The following CGNL1 variants were observed in gnomAD, a reference collection of about 807,000 sequenced individuals.
The protein encoded by CGNL1 is cingulin-like protein 1.
CGNL1 carries 132 observed loss-of-function variants against 141.2 expected under a neutral mutation model. That is an observed-to-expected ratio of 0.93 (90% CI 0.81 to 1.08). The LOEUF (loss-of-function observed/expected upper bound fraction) is 1.08, where lower values mean the gene tolerates loss of function less well. Among genes scored for constraint, CGNL1 ranks in the 50% least tolerant of loss-of-function variants. CGNL1 has a pLI of 0.00. For synonymous variants in CGNL1, 690 were observed against 622.1 expected (o/e 1.11, Z -1.63); for missense variants, 1,870 against 1,588.6 (o/e 1.18, Z -3.01).
At chr15:57,520,370 T>G (rs141316577) in intron 10 of CGNL1, among the ~76,000 whole-genome samples, 14 of 152,352 alleles carry the variant, frequency 9.2e-5, no homozygotes, top group Non-Finnish European at 1.9e-4. Context: ...AAGAAAAAAG[T>G]AACTGGTGTT....
intron 14 of CGNL1, among the ~76,000 whole-genome samples, chr15:57,541,377 G>A (rs2032555592): frequency 6.6e-6 from 1 of 152,232 alleles, no homozygotes; most frequent in African/African-American, 2.4e-5. Flanking sequence ...CATGTGTGAG[G>A]TGTCAGTGGC....
At chr15:57,475,601 A>G (rs2063645198) in intron 8 of CGNL1, among the ~76,000 whole-genome samples, 1 of 152,032 alleles carries the variant, frequency 6.6e-6, no homozygotes, top group Non-Finnish European at 1.5e-5. Flanking sequence ...AATGAGCAAT[A>G]GATGGAGTGA....
intron 1 of CGNL1, among the ~76,000 whole-genome samples, 198 bp downstream of exon 1, chr15:57,376,765 C>T (rs1368475606): frequency 1.3e-5 from 2 of 151,930 alleles, no homozygotes; most frequent in Non-Finnish European, 2.9e-5. Flanking sequence ...GACTCCCGCG[C>T]CGCGCCCCGC....
intron 1 of CGNL1, among the ~76,000 whole-genome samples, chr15:57,406,262 T>A (rs11071312): frequency 1.3e-5 from 2 of 151,888 alleles, no homozygotes; most frequent in Non-Finnish European, 2.9e-5. Context: ...GGAAGGGCAC[T>A]GTGAAGAGGG....
intron 3 of CGNL1, among the ~76,000 whole-genome samples, chr15:57,441,693 A>T (rs1293757452): frequency 6.6e-6 from 1 of 152,120 alleles, no homozygotes; most frequent in African/African-American, 2.4e-5. Context: ...TCTTTTATGT[A>T]TGTATTTTTT....
chr15:57,526,259 A>G (rs1292193443), intron 12 of CGNL1, among the ~76,000 whole-genome samples: 1 of 152,060 alleles, frequency 6.6e-6, no homozygotes, highest in Non-Finnish European at 1.5e-5. Flanking sequence ...GCCCTGTGAG[A>G]CACTGTTTCC....
At chr15:57,473,324 G>C (rs1207870862) in intron 8 of CGNL1, among the ~76,000 whole-genome samples, 4 of 152,054 alleles carry the variant, frequency 2.6e-5, no homozygotes, top group Non-Finnish European at 4.4e-5. Context: ...ATTTTTACTT[G>C]GTGGAAAAAT....
At chr15:57,436,638 G>A (rs1280390) in intron 1 of CGNL1, among the ~76,000 whole-genome samples, 148,047 of 152,274 alleles carry the variant, frequency 0.97, 72,094 homozygotes, top group Middle Eastern at 1. Context: ...CAAGTAAAGC[G>A]TCCAAGTCAA....
chr15:57,462,691 C>A (rs1410612564), intron 8 of CGNL1, among the ~76,000 whole-genome samples: 1 of 151,972 alleles, frequency 6.6e-6, no homozygotes, highest in Non-Finnish European at 1.5e-5. Context: ...GTTAGTAGGC[C>A]CTCTCTCCCC....
intron 8 of CGNL1, among the ~76,000 whole-genome samples, chr15:57,508,974 A>T (rs546343905): frequency 9.8e-5 from 15 of 152,328 alleles, no homozygotes; most frequent in African/African-American, 3.6e-4. Flanking sequence ...GCTAGTTAAG[A>T]CTAAAATATA....
chr15:57,465,017 G>T (rs1219691238), intron 8 of CGNL1, among the ~76,000 whole-genome samples: 40 of 152,086 alleles, frequency 2.6e-4, no homozygotes, highest in Admixed American at 2.6e-3. Flanking sequence ...CTCCCAAAGT[G>T]CTGGGATTAC....
intron 10 of CGNL1, among the ~76,000 whole-genome samples, chr15:57,520,550 G>T (rs11071327): frequency 6.6e-6 from 1 of 152,190 alleles, no homozygotes; most frequent in Non-Finnish European, 1.5e-5. Flanking sequence ...ATGCCCTACC[G>T]CTTGCTTCAG....
chr15:57,492,206 C>G (rs1232212553), intron 8 of CGNL1, among the ~76,000 whole-genome samples: 26 of 152,168 alleles, frequency 1.7e-4, no homozygotes, highest in Admixed American at 1.7e-3. Flanking sequence ...AAGGCAGAAC[C>G]TGGAGACCTG....
At chr15:57,431,771 G>C (rs1297989290) in intron 1 of CGNL1, among the ~76,000 whole-genome samples, 1 of 151,876 alleles carries the variant, frequency 6.6e-6, no homozygotes, top group African/African-American at 2.4e-5. Context: ...ATTAGTGTTA[G>C]TGCATTTTAT....
chr15:57,398,138 T>C (rs1226524429), intron 1 of CGNL1, among the ~76,000 whole-genome samples: 2 of 152,210 alleles, frequency 1.3e-5, no homozygotes, highest in African/African-American at 4.8e-5. Flanking sequence ...AACCAATAGA[T>C]GCTTATTGTA....
chr15:57,408,597 C>A lies in CGNL1; in HGVS notation c.-15-29388C>A, dbSNP rs537649798. ...TTGTTGCCCAGGCTGGTCTTAAACT[C>A]CTGGCCTCAAGCAGTCCTTCCACCT... On this transcript the variant is annotated intron_variant, in intron 1 of 18. Transcript: ENST00000281282. Among the ~76,000 whole-genome samples, 3 of 152,158 alleles carry A rather than the reference C, an allele frequency of 2.0e-5. No homozygotes were observed. In the South Asian group the frequency reaches 6.2e-4, roughly 32 times the overall value.
intron 14 of CGNL1, among the ~76,000 whole-genome samples, chr15:57,536,783 G>A (rs1269633618): frequency 6.6e-6 from 1 of 152,176 alleles, no homozygotes; most frequent in East Asian, 1.9e-4. Flanking sequence ...GGCTTTCAAG[G>A]TGAAGTGACT....
chr15:57,439,982 A>T (rs1165691315), intron 2 of CGNL1, among the ~76,000 whole-genome samples: 1 of 152,158 alleles, frequency 6.6e-6, no homozygotes, highest in Non-Finnish European at 1.5e-5. Context: ...AAATTGAGTG[A>T]CTGGGTTAAT....
chr15:57,518,546 A>T (rs1330692585), intron 10 of CGNL1, 49 bp downstream of exon 10: 2 of 1,248,590 alleles, frequency 1.6e-6, no homozygotes, highest in African/African-American at 3.0e-5. Flanking sequence ...GAATGCATAG[A>T]GACGCAACAC....
Sources: gnomAD v4.1 joint callset for allele counts (sites outside exome capture counted in the v4.1 genomes callset) on GRCh38, gnomAD v4.1.1 for gene constraint, MANE v1.5 for transcripts, NCBI Gene and HGNC (gene_info 2026-07-23, HGNC 2026-07-21) for gene names.